The following PTK2 variants were observed in gnomAD, a reference collection of about 807,000 sequenced individuals.
PTK2 encodes focal adhesion kinase 1.
Under a neutral mutation model 150.1 loss-of-function variants are expected in PTK2, and 45 were observed. That is an observed-to-expected ratio of 0.30 (90% CI 0.24 to 0.38). PTK2 has a LOEUF of 0.38. Ranked by LOEUF, PTK2 falls within the 10% of genes least tolerant of loss-of-function variation. The probability of loss-of-function intolerance (pLI) is 1.00; values close to 1 mark genes in which losing one functional copy is unlikely to be tolerated. For synonymous variants in PTK2, 432 were observed against 449.2 expected, an observed-to-expected ratio of 0.96 and a Z score of 0.48; for missense variants, 919 against 1,307.3, an observed-to-expected ratio of 0.70 and a Z score of 4.58.
chr8:140,680,924 T>C (rs558256639), intron 27 of PTK2, among the ~76,000 whole-genome samples: 2 of 152,284 alleles, frequency 1.3e-5, no homozygotes, highest in Admixed American at 6.5e-5. Flanking sequence ...ACTCAGTAGT[T>C]TCACCCTTAT....
intron 22 of PTK2, among the ~76,000 whole-genome samples, chr8:140,728,379 A>G (rs1240009135): frequency 1.3e-5 from 2 of 152,200 alleles, no homozygotes; most frequent in Non-Finnish European, 2.9e-5. Context: ...ATGTCTAACT[A>G]TAACTGGTAA....
chr8:140,908,458 T>C (rs747384193), intron 2 of PTK2, among the ~76,000 whole-genome samples: 34 of 152,210 alleles, frequency 2.2e-4, no homozygotes, highest in Non-Finnish European at 2.2e-4. Context: ...AATGACACAA[T>C]GAAGAAGAAA....
At chr8:140,973,495 C>T (rs897211274) in intron 1 of PTK2, among the ~76,000 whole-genome samples, 7 of 151,616 alleles carry the variant, frequency 4.6e-5, no homozygotes, top group African/African-American at 1.5e-4. Flanking sequence ...CACATACACA[C>T]ACACGTAAAA....
At chr8:140,766,539 A>G (rs1424695597) in intron 14 of PTK2, among the ~76,000 whole-genome samples, 1 of 152,250 alleles carries the variant, frequency 6.6e-6, no homozygotes, top group Non-Finnish European at 1.5e-5. Context: ...CCACCTCTCT[A>G]GAATGGAACA....
At chr8:140,931,704 G>A (rs957861967) in intron 1 of PTK2, among the ~76,000 whole-genome samples, 8 of 152,062 alleles carry the variant, frequency 5.3e-5, no homozygotes, top group African/African-American at 9.7e-5. Flanking sequence ...GGAGGCCAAG[G>A]CAGGAGGATC....
intron 11 of PTK2, among the ~76,000 whole-genome samples, chr8:140,801,842 G>A (rs1243357698): frequency 6.6e-6 from 1 of 152,062 alleles, no homozygotes; most frequent in African/African-American, 2.4e-5. Context: ...ATACAATGGT[G>A]GTTCCATAAG....
intron 1 of PTK2, among the ~76,000 whole-genome samples, chr8:140,942,694 T>C (rs377072423): frequency 2.6e-5 from 4 of 152,142 alleles, no homozygotes; most frequent in East Asian, 1.9e-4. Context: ...TGTTTGCATA[T>C]AAGTCACTTT....
intron 13 of PTK2, among the ~76,000 whole-genome samples, chr8:140,792,292 A>G (rs151294446): frequency 6.6e-6 from 1 of 152,300 alleles, no homozygotes; most frequent in East Asian, 1.9e-4. Context: ...AGTGCATGTA[A>G]AAAGAACCCT....
intron 1 of PTK2, among the ~76,000 whole-genome samples, chr8:140,943,147 G>A (rs1000893243): frequency 2.0e-5 from 3 of 152,032 alleles, no homozygotes; most frequent in Non-Finnish European, 2.9e-5. Flanking sequence ...TTATACCAAC[G>A]CAAGAACAGC....
chr8:140,956,987 G>A (rs1302940229), intron 1 of PTK2, among the ~76,000 whole-genome samples: 3 of 152,100 alleles, frequency 2.0e-5, no homozygotes. Flanking sequence ...CTTGAACCCA[G>A]GAGGCAGAGG....
At chr8:140,761,614 T>C (rs1007291791) in intron 15 of PTK2, among the ~76,000 whole-genome samples, 3 of 152,118 alleles carry the variant, frequency 2.0e-5, no homozygotes, top group African/African-American at 7.2e-5. Context: ...GAACTATTAG[T>C]TTAGGTATTA....
intron 8 of PTK2, among the ~76,000 whole-genome samples, chr8:140,819,272 TA>T (rs1450142875): frequency 6.6e-6 from 1 of 152,252 alleles, no homozygotes; most frequent in Non-Finnish European, 1.5e-5. Context: ...TATAGAGTTT[TA>T]TTTCTTAAAC....
intron 8 of PTK2, among the ~76,000 whole-genome samples, chr8:140,829,935 T>C (rs1190150842): frequency 6.6e-6 from 1 of 151,916 alleles, no homozygotes; most frequent in African/African-American, 2.4e-5. Context: ...ACATTCAGAG[T>C]CCTCCCACCT....
chr8:140,837,267 GC>G (rs2100119247), intron 7 of PTK2, among the ~76,000 whole-genome samples: 1 of 151,950 alleles, frequency 6.6e-6, no homozygotes, highest in African/African-American at 2.4e-5. Context: ...CTTTTCCTTT[GC>G]CTACAAAAAA....
chr8:140,859,942 G>A (rs1483438027), intron 5 of PTK2, among the ~76,000 whole-genome samples: 1 of 152,160 alleles, frequency 6.6e-6, no homozygotes, highest in African/African-American at 2.4e-5. Context: ...ACTTTACCAG[G>A]AGAAGTCAAA....
chr8:140,939,754 G>A lies in PTK2; in HGVS notation c.-121-14005C>T, dbSNP rs114154217. Among the ~76,000 whole-genome samples the A allele has an allele frequency of 8.3e-3, 1,258 of 152,244 alleles. 14 individuals carry two copies. The highest frequency in any genetic ancestry group is 0.028 in the African/African-American group (1,157 of 41,532). Reference sequence around the variant, plus strand: ...TATTCACTTTATGGTAAATCATTTCGCAAAAGGCTTATACAATGAAAAATT... The same window carrying A: ...TATTCACTTTATGGTAAATCATTTCACAAAAGGCTTATACAATGAAAAATT... On this transcript the variant is annotated intron_variant, in intron 1 of 31. Transcript: ENST00000522684.
rs562224000 is a variant in PTK2 at position 140,770,649 on chromosome 8, GGTTAGA to G, written c.1178-6365_1178-6360del. On this transcript the variant is annotated intron_variant, in intron 14 of 31. Coordinates refer to ENST00000522684, the Ensembl canonical transcript of PTK2. ...TGTTCAGGATAATCTATAAGCATCA[GGTTAGA>G]GTTAGTTTCTCTGGAGTGCTCTGGT... The G allele has an allele frequency of 1.6e-4, 125 of 758,518 alleles. No homozygotes were observed. The East Asian group carries it at 5.3e-3, about 32-fold the overall frequency. The allele number at this position is 758,518 out of a possible 1,614,324, so 47.0% of individuals were successfully genotyped here.
intron 10 of PTK2, among the ~76,000 whole-genome samples, chr8:140,814,776 CTT>C (rs1167413529): frequency 2.2e-4 from 31 of 141,832 alleles, no homozygotes; most frequent in Admixed American, 2.8e-4. Context: ...ATAAATTGTT[CTT>C]TTTTTTTTTT....
intron 1 of PTK2, among the ~76,000 whole-genome samples, chr8:140,976,049 C>A (rs924839564): frequency 1.2e-4 from 19 of 152,200 alleles, no homozygotes; most frequent in African/African-American, 4.1e-4. Flanking sequence ...TACCACTCTA[C>A]ACAGTAACTG....
Sources: gnomAD v4.1 joint callset for allele counts (sites outside exome capture counted in the v4.1 genomes callset) on GRCh38, gnomAD v4.1.1 for gene constraint, MANE v1.5 for transcripts, NCBI Gene and HGNC (gene_info 2026-07-23, HGNC 2026-07-21) for gene names.